SYN3: variants seen among roughly 807,000 people sequenced by gnomAD.
SYN3 encodes synapsin III.
In SYN3, 35 loss-of-function variants were observed where a neutral mutation model predicts 65.8. That is an observed-to-expected ratio of 0.53 (90% CI 0.41 to 0.70). SYN3 has a LOEUF of 0.70. Among genes scored for constraint, SYN3 ranks in the 30% least tolerant of loss-of-function variants. The pLI, the probability that SYN3 is intolerant of heterozygous loss-of-function variation, is 0.00. For synonymous variants in SYN3, 270 were observed against 292.9 expected (o/e 0.92, Z 0.80); for missense variants, 680 against 749.0 (o/e 0.91, Z 1.08).
chr22:33,028,794 A>T (rs968784706), intron 1 of SYN3, among the ~76,000 whole-genome samples: 2 of 152,044 alleles, frequency 1.3e-5, no homozygotes, highest in Admixed American at 6.6e-5. Flanking sequence ...TAATCCCAGC[A>T]CTTTGGGAGG....
At chr22:32,908,313 T>C (rs1201141229) in intron 4 of SYN3, among the ~76,000 whole-genome samples, 1 of 151,780 alleles carries the variant, frequency 6.6e-6, no homozygotes, top group Non-Finnish European at 1.5e-5. Flanking sequence ...CTCGAATTCC[T>C]GACCTCAAGT....
intron 7 of SYN3, among the ~76,000 whole-genome samples, chr22:32,570,906 C>T (rs1469247859): frequency 6.6e-6 from 1 of 152,112 alleles, no homozygotes; most frequent in Non-Finnish European, 1.5e-5. Flanking sequence ...ATAATTTTAA[C>T]AGTTAGATAT....
At chr22:32,945,364 C>T (rs534761076) in intron 3 of SYN3, among the ~76,000 whole-genome samples, 9 of 152,232 alleles carry the variant, frequency 5.9e-5, no homozygotes, top group African/African-American at 2.2e-4. Flanking sequence ...TGGAACAGAA[C>T]AGAGCCCTCA....
intron 6 of SYN3, among the ~76,000 whole-genome samples, chr22:32,621,181 G>C (rs543472674): frequency 3.3e-5 from 5 of 152,258 alleles, no homozygotes; most frequent in South Asian, 4.1e-4. Context: ...CTCCAGTCAG[G>C]GAAGTCTCCC....
intron 6 of SYN3, among the ~76,000 whole-genome samples, chr22:32,822,532 C>A (rs2047279708): frequency 6.6e-6 from 1 of 152,210 alleles, no homozygotes; most frequent in East Asian, 1.9e-4. Flanking sequence ...CTTTAACTAG[C>A]AATCTTACTT....
chr22:32,609,481 T>C (rs1269854208), intron 6 of SYN3, among the ~76,000 whole-genome samples: 1 of 151,652 alleles, frequency 6.6e-6, no homozygotes, highest in Non-Finnish European at 1.5e-5. Flanking sequence ...CTGGTGTTTT[T>C]TTTTTTTTTT....
chr22:33,009,228 A>AAC (rs2053285676), intron 1 of SYN3, among the ~76,000 whole-genome samples: 1 of 151,962 alleles, frequency 6.6e-6, no homozygotes, highest in Non-Finnish European at 1.5e-5. Flanking sequence ...TGGTTGTTTG[A>AAC]TTTTGCACAC....
chr22:32,592,262 C>G (rs61606211), intron 7 of SYN3, among the ~76,000 whole-genome samples: 5,814 of 152,272 alleles, frequency 0.038, 220 homozygotes, highest in African/African-American at 0.096. Context: ...AGTACTACCC[C>G]CTCACTGTCC....
At chr22:32,741,545 C>A (rs572532143) in intron 6 of SYN3, among the ~76,000 whole-genome samples, 1 of 151,688 alleles carries the variant, frequency 6.6e-6, no homozygotes, top group East Asian at 2.0e-4. Context: ...TTAGTAGAGA[C>A]GGGGTTTCAC....
intron 1 of SYN3, among the ~76,000 whole-genome samples, chr22:33,010,290 T>C (rs1211342941): frequency 5.3e-5 from 8 of 152,148 alleles, no homozygotes; most frequent in African/African-American, 1.9e-4. Context: ...CTACAGTGTC[T>C]TGTAGAAGCT....
chr22:32,984,940 A>T (rs2052478765), intron 2 of SYN3, among the ~76,000 whole-genome samples: 2 of 152,122 alleles, frequency 1.3e-5, no homozygotes, highest in Non-Finnish European at 2.9e-5. Context: ...CAGTTTCCTC[A>T]TTTGTCAAGT....
intron 7 of SYN3, among the ~76,000 whole-genome samples, chr22:32,556,953 C>T (rs1416939707): frequency 6.6e-6 from 1 of 151,326 alleles, no homozygotes; most frequent in Non-Finnish European, 1.5e-5. Context: ...GTCACTGCAC[C>T]CAGCCTAGTC....
At chr22:33,057,162 A>G (rs1601976901) in intron 1 of SYN3, among the ~76,000 whole-genome samples, 1 of 152,302 alleles carries the variant, frequency 6.6e-6, no homozygotes, top group Non-Finnish European at 1.5e-5. Context: ...ACAACTTACC[A>G]GCTTTCTGAT....
intron 4 of SYN3, among the ~76,000 whole-genome samples, chr22:32,900,886 T>C (rs944018470): frequency 1.3e-5 from 2 of 152,264 alleles, no homozygotes; most frequent in African/African-American, 4.8e-5. Context: ...TTGATCAATA[T>C]CTGCCCCTTG....
intron 6 of SYN3, among the ~76,000 whole-genome samples, chr22:32,854,595 G>A (rs1343945022): frequency 1.3e-5 from 2 of 152,120 alleles, no homozygotes; most frequent in African/African-American, 2.4e-5. Context: ...GATGTTCTTC[G>A]AAGGCCACAC....
intron 6 of SYN3, among the ~76,000 whole-genome samples, chr22:32,689,469 C>T (rs1387336428): frequency 2.6e-5 from 4 of 152,172 alleles, no homozygotes; most frequent in African/African-American, 4.8e-5. Context: ...GTGACCTTTA[C>T]TCTGTGATCT....
At chr22:32,754,894 G>A (rs1293302856) in intron 6 of SYN3, among the ~76,000 whole-genome samples, 1 of 152,196 alleles carries the variant, frequency 6.6e-6, no homozygotes, top group African/African-American at 2.4e-5. Flanking sequence ...CCCTATCTTA[G>A]TCACTCTTCT....
At chr22:32,781,558 T>A (rs1322848280) in intron 6 of SYN3, among the ~76,000 whole-genome samples, 1 of 152,168 alleles carries the variant, frequency 6.6e-6, no homozygotes, top group East Asian at 1.9e-4. Flanking sequence ...AAGGAATTAA[T>A]AATAAAATGT....
intron 6 of SYN3, among the ~76,000 whole-genome samples, chr22:32,790,670 G>A (rs958664880): frequency 5.3e-5 from 8 of 152,038 alleles, no homozygotes; most frequent in South Asian, 4.1e-4. Context: ...CAAGTGATTC[G>A]CCTGCCTCGG....
Sources: gnomAD v4.1 joint callset for allele counts (sites outside exome capture counted in the v4.1 genomes callset) on GRCh38, gnomAD v4.1.1 for gene constraint, MANE v1.5 for transcripts, NCBI Gene and HGNC (gene_info 2026-07-23, HGNC 2026-07-21) for gene names.